Variants in DGLUCY observed in about 807,000 individuals in gnomAD.
DGLUCY encodes the protein D-glutamate cyclase.
DGLUCY carries 58 observed loss-of-function variants against 58.5 expected under a neutral mutation model. The ratio of observed to expected loss-of-function variants is 0.99; its 90% CI spans 0.80 to 1.23. DGLUCY has a LOEUF of 1.23. Among genes scored for constraint, DGLUCY ranks in the 50% most tolerant of loss-of-function variants. The pLI, the probability that DGLUCY is intolerant of heterozygous loss-of-function variation, is 0.00. For synonymous variants in DGLUCY, 325 were observed against 314.1 expected (o/e 1.03, Z -0.37); for missense variants, 779 against 784.7 (o/e 0.99, Z 0.09).
At chr14:91,150,665 A>T (rs2047277990) in intron 1 of DGLUCY, among the ~76,000 whole-genome samples, 1 of 151,972 alleles carries the variant, frequency 6.6e-6, no homozygotes, top group Admixed American at 6.6e-5. Flanking sequence ...GACTCAAGGG[A>T]TCCTACCGCC....
chr14:91,207,618 C>G (rs1884968268), intron 12 of DGLUCY, among the ~76,000 whole-genome samples: 1 of 152,182 alleles, frequency 6.6e-6, no homozygotes, highest in Non-Finnish European at 1.5e-5. Context: ...AGGAAGAATT[C>G]TGAAAGAAGC....
intron 1 of DGLUCY, among the ~76,000 whole-genome samples, chr14:91,078,263 A>G (rs1307070106): frequency 6.6e-6 from 1 of 152,096 alleles, no homozygotes; most frequent in Non-Finnish European, 1.5e-5. Context: ...TGTTTCCATT[A>G]TTTTTAAAAG....
chr14:91,215,731 G>A lies in DGLUCY; in HGVS notation c.1716+175G>A, dbSNP rs749415729. On this transcript the variant is annotated intron_variant, in intron 13 of 13. Transcript: ENST00000256324. ...GGATTGGGTGCCCTTTAAGCTACTC[G>A]CAGTTCTGAATCGTGTGGCAGGCCT... 1.5e-5 allele frequency: 23 copies of A among 1,502,030 alleles called. 1 individual carries two copies. The highest frequency in any genetic ancestry group is 4.1e-4 in the Middle Eastern group (2 of 4,934). 93.0% of individuals were successfully genotyped at this position (1,502,030 alleles called of 1,614,324 possible).
chr14:91,214,024 TTTTG>T (rs1324456548), intron 12 of DGLUCY, among the ~76,000 whole-genome samples: 24 of 64,476 alleles, frequency 3.7e-4, no homozygotes, highest in Non-Finnish European at 5.6e-4. Flanking sequence ...TTGTTATTTT[TTTTG>T]TTTGTTTTTC....
rs537076261 is a variant in DGLUCY at position 91,199,262 on chromosome 14, AT to A, written c.1296-481del. On this transcript the variant is annotated intron_variant, in intron 10 of 13. Transcript: ENST00000256324. ...AAATTGCTGAGGATTCCAATGCTGG[AT>A]TTTTTTTTTTTTTCAAGACAGAGTC... 1.4e-3 allele frequency among the ~76,000 whole-genome samples: 203 copies of A among 142,702 alleles called. 1 individual carries two copies. Among genetic ancestry groups the A allele is most frequent in the East Asian group, 4.9e-3 (24 of 4,892 alleles). 93.6% of individuals were successfully genotyped at this position (142,702 alleles called of 152,430 possible). A position where few individuals can be genotyped will look rare whatever the true frequency, so the allele number is the denominator to read the frequency against.
chr14:91,166,678 T>A lies in DGLUCY; in HGVS notation c.104-547T>A, dbSNP rs1259692682. Among the ~76,000 whole-genome samples the A allele has an allele frequency of 3.4e-5, 5 of 148,260 alleles. No individual in the cohort carries two copies. In the East Asian group the frequency reaches 1.0e-3, roughly 30 times the overall value. Reference sequence around the variant, plus strand: ...AGACTCTGTCTCAAAAAAAAAAAAATTACATTAGAAGTTGGGTATGGTAGT... The same window carrying A: ...AGACTCTGTCTCAAAAAAAAAAAAAATACATTAGAAGTTGGGTATGGTAGT... On this transcript the variant is annotated intron_variant, in intron 3 of 13. Transcript: ENST00000256324.
intron 13 of DGLUCY, chr14:91,215,960 G>A (rs1264945974): frequency 2.9e-6 from 1 of 350,070 alleles, no homozygotes; most frequent in East Asian, 7.7e-5. Context: ...CACCCAGCGA[G>A]GCCACTAAAA....
At position 91,175,950 on chromosome 14, in the gene DGLUCY, A is replaced by G; in HGVS notation, c.624A>G (p.Lys208=). The G allele has an allele frequency of 6.2e-7, 1 of 1,613,912 alleles. No homozygotes were observed. The highest frequency in any genetic ancestry group is 2.2e-5 in the East Asian group (1 of 44,854). ...HMGDPELLGI[K]ELSKPAYGDA... ...CATCTGCAGAACTGTTGGGAATCAA[A>G]GAGCTTTCCAAACCTGCCTACGGGG... Residue 208 remains lysine (K), a synonymous_variant, in exon 7 of 14, where the codon AAA becomes AAG. Transcript: ENST00000256324.
intron 1 of DGLUCY, among the ~76,000 whole-genome samples, chr14:91,072,055 G>T (rs2043930379): frequency 6.6e-6 from 1 of 152,040 alleles, no homozygotes; most frequent in South Asian, 2.1e-4. Flanking sequence ...AGGCGTTGGG[G>T]CTCATGCCTA....
intron 1 of DGLUCY, among the ~76,000 whole-genome samples, chr14:91,092,313 A>G (rs2140067872): frequency 6.6e-6 from 1 of 152,288 alleles, no homozygotes; most frequent in South Asian, 2.1e-4. Context: ...TGGTGCTTAG[A>G]ATAGTACCAA....
At chr14:91,091,247 G>T (rs148801584) in intron 1 of DGLUCY, 1 of 152,226 alleles carries the variant, frequency 6.6e-6, no homozygotes, top group African/African-American at 2.4e-5. Context: ...CCGGCCGGAC[G>T]CAGTGGCTCA....
chr14:91,104,384 A>C (rs1178521714), upstream of DGLUCY, among the ~76,000 whole-genome samples: 1 of 152,018 alleles, frequency 6.6e-6, no homozygotes, highest in Non-Finnish European at 1.5e-5. Flanking sequence ...TATTGTTGCA[A>C]CTGGGGAAGG....
At chr14:91,164,814 G>A (rs910646799) in intron 3 of DGLUCY, among the ~76,000 whole-genome samples, 1 of 152,242 alleles carries the variant, frequency 6.6e-6, no homozygotes, top group African/African-American at 2.4e-5. Context: ...ACTGGGTCTT[G>A]CCCAAGTCCT....
chr14:91,063,441 G>A (rs772367786), intron 1 of DGLUCY, among the ~76,000 whole-genome samples: 1 of 152,032 alleles, frequency 6.6e-6, no homozygotes. Context: ...TTTTAATGTG[G>A]GTATGCCACA....
intron 1 of DGLUCY, among the ~76,000 whole-genome samples, chr14:91,146,379 A>G (rs1464409752): frequency 6.6e-6 from 1 of 152,188 alleles, no homozygotes; most frequent in Non-Finnish European, 1.5e-5. Context: ...CCTGAGCACA[A>G]TTTCCAGCAT....
chr14:91,135,308 C>T (rs2046262217), intron 1 of DGLUCY, among the ~76,000 whole-genome samples: 1 of 152,058 alleles, frequency 6.6e-6, no homozygotes, highest in Non-Finnish European at 1.5e-5. Flanking sequence ...AGTTCTTAGG[C>T]CTTGCTCCTG....
At chr14:91,199,604 T>A (rs1401003668) in intron 10 of DGLUCY, among the ~76,000 whole-genome samples, 153 bp from the exon 11 acceptor site, 1 of 152,120 alleles carries the variant, frequency 6.6e-6, no homozygotes, top group Admixed American at 6.6e-5. Context: ...GCACAGGTCC[T>A]GGCCCAGAGT....
At chr14:91,165,685 AC>A (rs2048242092) in intron 3 of DGLUCY, among the ~76,000 whole-genome samples, 1 of 152,224 alleles carries the variant, frequency 6.6e-6, no homozygotes, top group Admixed American at 6.5e-5. Context: ...GGTGATGGAT[AC>A]CACTACCCAC....
At chr14:91,157,388 T>G (rs2047722840) in intron 1 of DGLUCY, among the ~76,000 whole-genome samples, 1 of 152,232 alleles carries the variant, frequency 6.6e-6, no homozygotes, top group Non-Finnish European at 1.5e-5. Flanking sequence ...AAACATGAAC[T>G]TAGACCTGCT....
Sources: gnomAD v4.1 joint callset for allele counts (sites outside exome capture counted in the v4.1 genomes callset) on GRCh38, gnomAD v4.1.1 for gene constraint, MANE v1.5 for transcripts, NCBI Gene and HGNC (gene_info 2026-07-23, HGNC 2026-07-21) for gene names.